PTK7: variants seen among roughly 807,000 people sequenced by gnomAD.
PTK7 encodes inactive tyrosine-protein kinase 7.
In PTK7, 39 loss-of-function variants were observed where a neutral mutation model predicts 116.6. The ratio of observed to expected loss-of-function variants is 0.33; its 90% CI spans 0.26 to 0.44. The LOEUF (loss-of-function observed/expected upper bound fraction) is 0.44, where lower values mean the gene tolerates loss of function less well. Ranked by LOEUF, PTK7 falls within the 20% of genes least tolerant of loss-of-function variation. The pLI, the probability that PTK7 is intolerant of heterozygous loss-of-function variation, is 1.00. For missense variants in PTK7, 1,169 were observed against 1,425.6 expected, an observed-to-expected ratio of 0.82 and a Z score of 2.90; for synonymous variants, 546 against 563.6, an observed-to-expected ratio of 0.97 and a Z score of 0.44.
At position 43,161,330 on chromosome 6, in the gene PTK7, G is replaced by C. The variant is rs541360060; in HGVS notation, c.*449G>C. On this transcript the variant is annotated 3_prime_UTR_variant, in exon 20 of 20. Transcript: ENST00000230419. ...GGGTTAATGAGTCTCTTGGCCCACT[G>C]GTCCCACTTGGGGGTCTAGACCAGG... 1 of 171,700 alleles carries C rather than the reference G, an allele frequency of 5.8e-6. No homozygotes were observed. Among genetic ancestry groups the C allele is most frequent in the Non-Finnish European group, 1.3e-5 (1 of 78,954 alleles). 10.6% of individuals were successfully genotyped at this position (171,700 alleles called of 1,614,324 possible).
At chr6:43,122,344 T>C (rs1357799653) in intron 1 of PTK7, among the ~76,000 whole-genome samples, 1 of 151,276 alleles carries the variant, frequency 6.6e-6, no homozygotes, top group Non-Finnish European at 1.5e-5. Flanking sequence ...TGGTGGGGAC[T>C]TGAGAGGAAG....
intron 1 of PTK7, among the ~76,000 whole-genome samples, chr6:43,106,926 ATTT>A (rs36100312): frequency 8.7e-6 from 1 of 114,998 alleles, no homozygotes; most frequent in African/African-American, 3.1e-5. Flanking sequence ...TCTTCCCTGA[ATTT>A]TTTTTTTTTT....
At chr6:43,160,618 A>G (rs954051174) in intron 19 of PTK7, 103 bp from the exon 20 acceptor site, 16 of 1,442,366 alleles carry the variant, frequency 1.1e-5, no homozygotes, top group Admixed American at 1.8e-5. Context: ...ATTGCCCCAG[A>G]GGCATCCTTG....
chr6:43,077,510 A>G (rs892672890), intron 1 of PTK7, among the ~76,000 whole-genome samples: 9 of 151,990 alleles, frequency 5.9e-5, no homozygotes, highest in African/African-American at 2.2e-4. Flanking sequence ...CGCAGCTTTT[A>G]TTTCCTGGCT....
At chr6:43,085,722 T>C (rs994888225) in intron 1 of PTK7, among the ~76,000 whole-genome samples, 1 of 150,784 alleles carries the variant, frequency 6.6e-6, no homozygotes, top group African/African-American at 2.4e-5. Context: ...TCACCTGAGG[T>C]CGGGAGTTCG....
At chr6:43,082,684 C>T (rs1766445710) in intron 1 of PTK7, among the ~76,000 whole-genome samples, 1 of 152,170 alleles carries the variant, frequency 6.6e-6, no homozygotes, top group African/African-American at 2.4e-5. Context: ...GTGATGTGTA[C>T]GCTTTAATAT....
intron 1 of PTK7, among the ~76,000 whole-genome samples, chr6:43,108,334 A>T (rs1370687685): frequency 6.6e-6 from 1 of 150,692 alleles, no homozygotes; most frequent in East Asian, 2.0e-4. Context: ...ACCTCAGGTG[A>T]TCCTCCTGCC....
intron 1 of PTK7, among the ~76,000 whole-genome samples, chr6:43,110,824 C>T (rs766563356): frequency 6.6e-6 from 1 of 152,210 alleles, no homozygotes. Context: ...TGCTGACGGT[C>T]ATTTCTACCT....
intron 1 of PTK7, among the ~76,000 whole-genome samples, chr6:43,108,463 G>A (rs914844058): frequency 1.4e-5 from 2 of 146,882 alleles, no homozygotes; most frequent in African/African-American, 2.5e-5. Flanking sequence ...GCAGTGGCAC[G>A]AGCACAGCTC....
chr6:43,100,422 AT>A (rs1331263119), intron 1 of PTK7, among the ~76,000 whole-genome samples: 5 of 148,330 alleles, frequency 3.4e-5, no homozygotes, highest in Admixed American at 2.7e-4. Flanking sequence ...TTAAAAAAAA[AT>A]GATAGACATT....
At chr6:43,083,918 G>A (rs972995815) in intron 1 of PTK7, among the ~76,000 whole-genome samples, 11 of 151,806 alleles carry the variant, frequency 7.2e-5, no homozygotes, top group African/African-American at 2.4e-4. Context: ...GTGTAGATAT[G>A]TGTTTCTCAA....
intron 13 of PTK7, 145 bp downstream of exon 13, chr6:43,142,444 C>CACAGT: frequency 7.9e-7 from 1 of 1,267,746 alleles, no homozygotes; most frequent in Non-Finnish European, 1.1e-6. Context: ...CATGCTGCTG[C>CACAGT]ACAGTCTTAG....
At position 43,141,912 on chromosome 6, in the gene PTK7, C is replaced by T; in HGVS notation, c.1769-19C>T. 6 of 1,596,824 alleles carry T rather than the reference C, an allele frequency of 3.8e-6. No homozygotes were observed. Among genetic ancestry groups the T allele is most frequent in the Non-Finnish European group, 5.1e-6 (6 of 1,169,472 alleles). Reference sequence around the variant, plus strand: ...TTGGCTTACCCCTCCCTGCGCCTCGCTGGTCTCTTTTCTTCCAGTTTTTAT... The same window carrying T: ...TTGGCTTACCCCTCCCTGCGCCTCGTTGGTCTCTTTTCTTCCAGTTTTTAT... On this transcript the variant is annotated intron_variant, in intron 11 of 19. Transcript: ENST00000230419. The surrounding 1 kb of genome is among the most constrained non-coding windows in gnomAD (Gnocchi z 4.9).
At chr6:43,148,746 C>G (rs374336908) in intron 17 of PTK7, among the ~76,000 whole-genome samples, 1 of 141,266 alleles carries the variant, frequency 7.1e-6, no homozygotes, top group South Asian at 2.2e-4. Flanking sequence ...CCATACTCTG[C>G]GTTACATAGA....
intron 1 of PTK7, 148 bp from the exon 2 acceptor site, chr6:43,128,829 C>G (rs529975857): frequency 5.6e-6 from 4 of 712,378 alleles, no homozygotes; most frequent in Admixed American, 6.8e-5. Flanking sequence ...GGGACTCTTG[C>G]AATTGTGGCA....
chr6:43,129,066 G>A lies in PTK7; in HGVS notation c.169G>A (p.Ala57Thr). The A allele has an allele frequency of 6.2e-7, 1 of 1,614,222 alleles. No homozygotes were observed. ...GGCGCTGCTTCGCTGTGAGGTTGAG[G>A]CTCCGGGCCCGGTACATGTGTACTG... ...RRALLRCEVEAPGPVHVYWLL... is the reference protein window; with the variant it reads ...RRALLRCEVETPGPVHVYWLL... Residue 57 changes from alanine to threonine, a missense_variant, in exon 2 of 20, where the codon GCT (alanine) becomes ACT (threonine). Ala to Thr is a moderately conservative substitution (Grantham distance 58). This residue lies in a region of PTK7 where 487 missense variants were observed against 549.8 expected (regional missense o/e 0.89). Coordinates refer to ENST00000230419, the MANE Select transcript of PTK7 (RefSeq NM_002821.5). This position sits in a 1 kb window ranked among gnomAD's most constrained non-coding sequence, Gnocchi z 4.5.
chr6:43,141,790 C>A lies in PTK7; in HGVS notation c.1741C>A (p.Arg581Ser). Residue 581 changes from arginine to serine, a missense_variant, in exon 11 of 20, where the codon CGT becomes AGT. Around this residue, in one of 3 missense-constraint regions of PTK7, gnomAD observed 678 missense variants for 853.8 expected, o/e 0.79. Coordinates refer to ENST00000230419, the MANE Select transcript of PTK7 (RefSeq NM_002821.5). This position sits in a 1 kb window ranked among gnomAD's most constrained non-coding sequence, Gnocchi z 4.9. The stretch of plus-strand genomic sequence containing the variant: ...CTCCAACGGGCCGCAGGGCCAGATT[C>A]GTGCCCATGTCCAGCTCACTGTGGC... Reference protein sequence around the residue: ...IASNGPQGQIRAHVQLTVAVF... With the variant: ...IASNGPQGQISAHVQLTVAVF... 1 of 1,614,048 alleles carries A rather than the reference C, an allele frequency of 6.2e-7. No individual in the cohort carries two copies. Among genetic ancestry groups the A allele is most frequent in the Non-Finnish European group, 8.5e-7 (1 of 1,180,020 alleles).
chr6:43,158,705 G>C (rs1771660625), intron 17 of PTK7, 112 bp from the exon 18 acceptor site: 1 of 1,169,774 alleles, frequency 8.5e-7, no homozygotes, highest in East Asian at 2.6e-5. Context: ...GTGCTTCTGG[G>C]CTTCCTACGC....
intron 1 of PTK7, among the ~76,000 whole-genome samples, chr6:43,088,423 C>T (rs189550755): frequency 3.7e-4 from 56 of 151,052 alleles, no homozygotes; most frequent in African/African-American, 1.3e-3. Flanking sequence ...GGCCAATTGC[C>T]GTGGCTCATA....
Sources: allele counts gnomAD v4.1 joint callset (sites outside exome capture counted in the v4.1 genomes callset), GRCh38; gene constraint gnomAD v4.1.1; regional missense constraint gnomAD v4.1.1; non-coding constraint Gnocchi (gnomAD v3.1); transcripts MANE v1.5; gene names NCBI Gene and HGNC (gene_info 2026-07-23, HGNC 2026-07-21).